GRIN2A: variants seen among roughly 807,000 people sequenced by gnomAD.
GRIN2A encodes the protein glutamate receptor ionotropic, NMDA 2A.
A neutral mutation model predicts 113.4 loss-of-function variants in GRIN2A; 22 were observed. The ratio of observed to expected loss-of-function variants is 0.19; its 90% CI spans 0.14 to 0.28. GRIN2A has a LOEUF of 0.28. GRIN2A is among the 10% of genes least tolerant of loss of function. The pLI is 1.00. For missense variants in GRIN2A, 1,502 were observed against 1,887.0 expected, an observed-to-expected ratio of 0.80 and a Z score of 3.78; for synonymous variants, 827 against 738.4, an observed-to-expected ratio of 1.12 and a Z score of -1.94.
chr16:10,054,509 G>A (rs900005842), intron 2 of GRIN2A, among the ~76,000 whole-genome samples: 4 of 152,158 alleles, frequency 2.6e-5, no homozygotes, highest in African/African-American at 4.8e-5. Context: ...TGTTGAAGAT[G>A]CCCACATCCT....
chr16:10,009,487 C>T (rs1207051645), intron 2 of GRIN2A, among the ~76,000 whole-genome samples: 3 of 152,036 alleles, frequency 2.0e-5, no homozygotes, highest in Non-Finnish European at 4.4e-5. Flanking sequence ...CATAAGTGCC[C>T]TTTTATTTGT....
chr16:9,824,578 G>A (rs1045134807), intron 9 of GRIN2A, among the ~76,000 whole-genome samples: 3 of 152,134 alleles, frequency 2.0e-5, no homozygotes, highest in Non-Finnish European at 2.9e-5. Flanking sequence ...GATGGTTTCC[G>A]TGCTTCTCTG....
intron 3 of GRIN2A, among the ~76,000 whole-genome samples, chr16:9,900,897 G>A (rs988603472): frequency 6.6e-6 from 1 of 152,170 alleles, no homozygotes; most frequent in Non-Finnish European, 1.5e-5. Context: ...TGTATGTAAC[G>A]TGGCGTGCAT....
chr16:10,115,229 G>T (rs1190246876), intron 2 of GRIN2A, among the ~76,000 whole-genome samples: 1 of 149,368 alleles, frequency 6.7e-6, no homozygotes, highest in East Asian at 1.9e-4. Context: ...CATGATCTAA[G>T]TTTTTTTTTT....
At chr16:9,803,967 A>G (rs1567309670) in intron 10 of GRIN2A, among the ~76,000 whole-genome samples, 1 of 152,194 alleles carries the variant, frequency 6.6e-6, no homozygotes, top group Non-Finnish European at 1.5e-5. Context: ...GAGCGGCCGG[A>G]GTTTCAATAG....
intron 2 of GRIN2A, among the ~76,000 whole-genome samples, chr16:10,043,322 G>A (rs748007581): frequency 1.5e-4 from 23 of 152,110 alleles, no homozygotes; most frequent in Non-Finnish European, 3.1e-4. Flanking sequence ...GTTGACATTC[G>A]TTCCAACCCA....
rs571606131 is a variant in GRIN2A at position 9,808,415 on chromosome 16, G to C, written c.2169-9951C>G. Among the ~76,000 whole-genome samples, 3 of 152,308 alleles carry C rather than the reference G, an allele frequency of 2.0e-5. No individual in the cohort carries two copies. The South Asian group carries it at 6.2e-4, about 32-fold the overall frequency. ...TAGTAGTGACGACATCACGGAACTT[G>C]TCACACAGGAGGACTGAAAGACAGG... On this transcript the variant is annotated intron_variant, in intron 10 of 12. Coordinates refer to ENST00000330684, the MANE Select transcript of GRIN2A (RefSeq NM_001134407.3).
At position 10,158,634 on chromosome 16, in the gene GRIN2A, T is replaced by C. The variant is rs146799478; in HGVS notation, c.414+21364A>G. On this transcript the variant is annotated intron_variant, in intron 2 of 12. Coordinates refer to ENST00000330684, the MANE Select transcript of GRIN2A (RefSeq NM_001134407.3). ...ATTCATGCTACGACATGGATGGACC[T>C]TGAAAACATTATGCTAAGTGAAAGA... 1.2e-4 allele frequency among the ~76,000 whole-genome samples: 18 copies of C among 152,336 alleles called. No homozygotes were observed. The East Asian group carries it at 3.3e-3, about 28-fold the overall frequency.
At chr16:10,106,463 C>A (rs932173156) in intron 2 of GRIN2A, among the ~76,000 whole-genome samples, 2 of 151,908 alleles carry the variant, frequency 1.3e-5, no homozygotes, top group South Asian at 2.1e-4. Flanking sequence ...CCTCCCAAAT[C>A]CCACCACTCT....
chr16:10,154,697 G>A (rs1290472496), intron 2 of GRIN2A, among the ~76,000 whole-genome samples: 1 of 152,144 alleles, frequency 6.6e-6, no homozygotes, highest in Non-Finnish European at 1.5e-5. Context: ...AAAAGTATAG[G>A]AACGGCACCT....
At chr16:10,036,222 G>T (rs2047022197) in intron 2 of GRIN2A, among the ~76,000 whole-genome samples, 1 of 152,012 alleles carries the variant, frequency 6.6e-6, no homozygotes, top group Non-Finnish European at 1.5e-5. Context: ...AACTGCTGTG[G>T]CAAAGTACTG....
At chr16:9,804,220 G>A (rs949927241) in intron 10 of GRIN2A, among the ~76,000 whole-genome samples, 3 of 152,192 alleles carry the variant, frequency 2.0e-5, no homozygotes, top group Non-Finnish European at 4.4e-5. Flanking sequence ...AGTAGACAGT[G>A]TCAGAGTATT....
In GRIN2A at chr16:9,764,296, T is replaced by G; in HGVS notation, c.3248A>C (p.Lys1083Thr). 1 of 1,614,046 alleles carries G rather than the reference T, an allele frequency of 6.2e-7. No homozygotes were observed. The highest frequency in any genetic ancestry group is 8.5e-7 in the Non-Finnish European group (1 of 1,179,986). The change falls in exon 13 of 13, where the codon AAG becomes ACG. Residue 1083 changes from lysine to threonine, a missense_variant. By Grantham distance (78) the Lys-to-Thr change is moderately conservative. This residue lies in a region of GRIN2A where 832 missense variants were observed against 789.7 expected (regional missense o/e 1.05). Coordinates refer to ENST00000330684, the MANE Select transcript of GRIN2A (RefSeq NM_001134407.3). ...EPDNSKNHKT[K>T]DNFKRSVASK... is the part of the protein sequence containing the mutation. Reference sequence around the variant, plus strand: ...GGCCACTGACCTTTTAAAGTTGTCCTTGGTTTTGTGGTTCTTACTGTTGTC... The same window carrying G: ...GGCCACTGACCTTTTAAAGTTGTCCGTGGTTTTGTGGTTCTTACTGTTGTC...
At chr16:10,110,282 C>T (rs2048587514) in intron 2 of GRIN2A, among the ~76,000 whole-genome samples, 1 of 152,128 alleles carries the variant, frequency 6.6e-6, no homozygotes, top group Admixed American at 6.5e-5. Context: ...TAGCATTTAA[C>T]GAGTTAGGGG....
chr16:10,126,901 G>A (rs1184416511), intron 2 of GRIN2A, among the ~76,000 whole-genome samples: 1 of 152,080 alleles, frequency 6.6e-6, no homozygotes, highest in East Asian at 1.9e-4. Context: ...CTTTTTACCA[G>A]CTCTGAGGAC....
At chr16:10,178,165 G>T (rs548335579) in intron 2 of GRIN2A, among the ~76,000 whole-genome samples, 1 of 152,170 alleles carries the variant, frequency 6.6e-6, no homozygotes, top group Non-Finnish European at 1.5e-5. Context: ...ACTCCAAGGC[G>T]TGGCTGGAAA....
At chr16:9,784,464 A>G (rs1364843778) in intron 11 of GRIN2A, among the ~76,000 whole-genome samples, 1 of 149,450 alleles carries the variant, frequency 6.7e-6, no homozygotes, top group Non-Finnish European at 1.5e-5. Flanking sequence ...CAAACAAACA[A>G]AAAACCTAAA....
At chr16:10,021,954 C>T (rs1030323929) in intron 2 of GRIN2A, among the ~76,000 whole-genome samples, 1 of 152,286 alleles carries the variant, frequency 6.6e-6, no homozygotes, top group South Asian at 2.1e-4. Flanking sequence ...CTCTCTGAGC[C>T]TCAGTTTTCT....
chr16:9,811,250 G>C (rs10468237), intron 10 of GRIN2A, among the ~76,000 whole-genome samples: 44,171 of 151,928 alleles, frequency 0.29, 6,823 homozygotes, highest in African/African-American at 0.39. Context: ...ACAAGCAGAG[G>C]GTTAGCACAA....
Sources: gnomAD v4.1 joint callset for allele counts (sites outside exome capture counted in the v4.1 genomes callset) on GRCh38, gnomAD v4.1.1 for gene constraint, gnomAD v4.1.1 regional missense constraint, MANE v1.5 for transcripts, NCBI Gene and HGNC (gene_info 2026-07-23, HGNC 2026-07-21) for gene names.